Variants in PTPN2 observed in about 807,000 individuals in gnomAD.
PTPN2 encodes the protein tyrosine-protein phosphatase non-receptor type 2.
In PTPN2, 19 loss-of-function variants were observed where a neutral mutation model predicts 57.3. The ratio of observed to expected loss-of-function variants is 0.33; its 90% CI spans 0.23 to 0.49. The LOEUF is 0.49. PTPN2 is among the 20% of genes least tolerant of loss of function. PTPN2 has a pLI of 0.99. For missense variants in PTPN2, 358 were observed against 501.1 expected (o/e 0.71, Z 2.73); for synonymous variants, 153 against 164.9 (o/e 0.93, Z 0.55).
At chr18:12,840,839 C>T (rs2145413014) in intron 2 of PTPN2, 1 of 1,595,898 alleles carries the variant, frequency 6.3e-7, no homozygotes, top group Non-Finnish European at 8.5e-7. Context: ...TCAGGTGTGA[C>T]TTCCAACTCC....
chr18:12,880,751 C>T (rs2044641941), intron 1 of PTPN2: 1 of 152,192 alleles, frequency 6.6e-6, no homozygotes, highest in African/African-American at 2.4e-5. Flanking sequence ...CTGTCCTTGG[C>T]CTTTGATATT....
chr18:12,796,647 C>G lies in PTPN2; in HGVS notation c.1041-2162G>C, dbSNP rs183462138. ...ACTCCTAGATATGTACCCAAGAGAA[C>G]TGAGAACACATGTCCATGCAAACGC... On this transcript the variant is annotated intron_variant, in intron 8 of 8. Transcript: ENST00000309660. Among the ~76,000 whole-genome samples the G allele has an allele frequency of 9.1e-4, 138 of 152,276 alleles. 1 individual carries two copies. The highest frequency in any genetic ancestry group is 1.2e-3 in the Non-Finnish European group (83 of 68,012).
At chr18:12,870,169 G>A (rs2044139050) in intron 1 of PTPN2, among the ~76,000 whole-genome samples, 1 of 148,390 alleles carries the variant, frequency 6.7e-6, no homozygotes, top group South Asian at 2.1e-4. Flanking sequence ...TCTAAGAGGT[G>A]GTTACAAATG....
chr18:12,878,388 T>C (rs940541690), intron 1 of PTPN2, among the ~76,000 whole-genome samples: 17 of 151,414 alleles, frequency 1.1e-4, no homozygotes, highest in Non-Finnish European at 1.2e-4. Context: ...AAAATGTGGC[T>C]GGGCGTGGTG....
chr18:12,867,318 CAATAAATAAATAAATA>C (rs144118910), intron 1 of PTPN2, among the ~76,000 whole-genome samples: 1 of 150,888 alleles, frequency 6.6e-6, no homozygotes, highest in African/African-American at 2.5e-5. Context: ...GAACCTGTCT[CAATAAATAAATAAATA>C]AATAAATAAA....
At chr18:12,883,273 T>G (rs2044725430) in intron 1 of PTPN2, among the ~76,000 whole-genome samples, 1 of 152,146 alleles carries the variant, frequency 6.6e-6, no homozygotes. Flanking sequence ...AGGAAAACTA[T>G]AAAGAGAATG....
intron 2 of PTPN2, among the ~76,000 whole-genome samples, chr18:12,846,229 C>T (rs945701728): frequency 1.3e-5 from 2 of 152,194 alleles, no homozygotes; most frequent in African/African-American, 4.8e-5. Context: ...CAGACTTCTC[C>T]AGTGTAGAGG....
chr18:12,846,978 A>G (rs2043231510), intron 2 of PTPN2, among the ~76,000 whole-genome samples: 1 of 152,152 alleles, frequency 6.6e-6, no homozygotes, highest in Non-Finnish European at 1.5e-5. Context: ...GAGAAAGAGA[A>G]ACTTAATGAT....
chr18:12,873,336 G>A (rs1490742190), intron 1 of PTPN2, among the ~76,000 whole-genome samples: 6 of 152,012 alleles, frequency 3.9e-5, no homozygotes, highest in Non-Finnish European at 5.9e-5. Context: ...CTCTGATGCC[G>A]AGCCGAAGCT....
At chr18:12,857,534 A>G (rs2043636041) in intron 2 of PTPN2, among the ~76,000 whole-genome samples, 1 of 152,250 alleles carries the variant, frequency 6.6e-6, no homozygotes, top group Non-Finnish European at 1.5e-5. Context: ...AGTTTTTAAA[A>G]AATTAAAGGC....
intron 3 of PTPN2, among the ~76,000 whole-genome samples, chr18:12,836,262 T>A (rs1019201148): frequency 1.3e-5 from 2 of 152,224 alleles, no homozygotes; most frequent in African/African-American, 4.8e-5. Context: ...GCTGATGCGC[T>A]CAGAGGCAAC....
chr18:12,866,503 C>T (rs2043999660), intron 1 of PTPN2, among the ~76,000 whole-genome samples: 1 of 151,894 alleles, frequency 6.6e-6, no homozygotes, highest in Non-Finnish European at 1.5e-5. Context: ...AAAGACTACA[C>T]ATGGTATGAG....
In PTPN2 at chr18:12,814,274, C is replaced by A. The variant is rs2041989803; in HGVS notation, c.787G>T (p.Asp263Tyr). The change falls in exon 7 of 9, where the codon GAT (aspartate) becomes TAT (tyrosine). Residue 263 changes from aspartate (D) to tyrosine (Y), a missense_variant. This residue lies in a region of PTPN2 where 193 missense variants were observed against 315.4 expected (regional missense o/e 0.61). Coordinates refer to ENST00000309660, the MANE Select transcript of PTPN2 (RefSeq NM_002828.4). ...GCCATGTATGAGAATCTCAGTTGAT[C>A]TGGGGTCTGAATAAGACCCATTCGG... ...KYRMGLIQTP[D>Y]QLRFSYMAII... The A allele has an allele frequency of 6.2e-7, 1 of 1,606,102 alleles. No homozygotes were observed. Among genetic ancestry groups the A allele is most frequent in the South Asian group, 1.1e-5 (1 of 90,500 alleles).
At chr18:12,828,195 G>T (rs2042545204) in intron 4 of PTPN2, among the ~76,000 whole-genome samples, 1 of 152,200 alleles carries the variant, frequency 6.6e-6, no homozygotes, top group African/African-American at 2.4e-5. Flanking sequence ...TATTAAGACA[G>T]CAGATGAACC....
chr18:12,857,987 GAA>G (rs1173572776), intron 2 of PTPN2, among the ~76,000 whole-genome samples: 1 of 152,126 alleles, frequency 6.6e-6, no homozygotes, highest in Non-Finnish European at 1.5e-5. Flanking sequence ...GTCAACATAA[GAA>G]AAACATTCTA....
At chr18:12,853,280 G>A (rs1042611430) in intron 2 of PTPN2, among the ~76,000 whole-genome samples, 6 of 152,182 alleles carry the variant, frequency 3.9e-5, no homozygotes, top group African/African-American at 1.4e-4. Flanking sequence ...CTCCCAAATA[G>A]CTGGGACTAC....
intron 1 of PTPN2, among the ~76,000 whole-genome samples, chr18:12,872,519 C>A (rs1225541805): frequency 1.3e-5 from 2 of 152,184 alleles, no homozygotes; most frequent in Non-Finnish European, 2.9e-5. Context: ...AAGTATCCAA[C>A]CTTGAGCCAG....
chr18:12,803,357 ATT>A (rs1331623855), intron 7 of PTPN2, among the ~76,000 whole-genome samples: 1 of 152,208 alleles, frequency 6.6e-6, no homozygotes, highest in Non-Finnish European at 1.5e-5. Flanking sequence ...ACAGAAAACA[ATT>A]AACAAAATGG....
chr18:12,865,187 C>T (rs8091720), intron 1 of PTPN2, among the ~76,000 whole-genome samples: 41,075 of 152,004 alleles, frequency 0.27, 6,226 homozygotes, highest in South Asian at 0.54. Flanking sequence ...TGAGTCATGC[C>T]TGCAATCCCA....
Sources: allele counts gnomAD v4.1 joint callset (sites outside exome capture counted in the v4.1 genomes callset), GRCh38; gene constraint gnomAD v4.1.1; regional missense constraint gnomAD v4.1.1; transcripts MANE v1.5; gene names NCBI Gene and HGNC (gene_info 2026-07-23, HGNC 2026-07-21).